Variants in ITIH3 observed in about 807,000 individuals in gnomAD.
The protein encoded by ITIH3 is inter-alpha-trypsin inhibitor heavy chain 3.
In ITIH3, 81 loss-of-function variants were observed where a neutral mutation model predicts 96.5. That is an observed-to-expected ratio of 0.84 (90% CI 0.70 to 1.01). The LOEUF is 1.01. ITIH3 is among the 50% of genes least tolerant of loss of function. The probability of loss-of-function intolerance (pLI) is 0.00; values close to 1 mark genes in which losing one functional copy is unlikely to be tolerated. For missense variants in ITIH3, 1,057 were observed against 1,139.3 expected, an observed-to-expected ratio of 0.93 and a Z score of 1.04; for synonymous variants, 422 against 445.2, an observed-to-expected ratio of 0.95 and a Z score of 0.66.
At chr3:52,807,711 T>C (rs763962452) in intron 19 of ITIH3, 36 bp from the exon 20 acceptor site, 3 of 1,584,772 alleles carry the variant, frequency 1.9e-6, no homozygotes, top group African/African-American at 1.3e-5. Context: ...TCACGGCCAC[T>C]GGGCCCCACA....
chr3:52,806,896 G>A lies in ITIH3; in HGVS notation c.2057-5G>A, dbSNP rs759423192. ...GTCTCTCTCCCTGCCCCATCCCTCT[G>A]GCAGGCCTCACAGTTAATGGGCAGA... On this transcript the variant is annotated splice_polypyrimidine_tract_variant and splice_region_variant and intron_variant, in intron 18 of 21. Transcript: ENST00000449956. 21 of 1,574,860 alleles carry A rather than the reference G, an allele frequency of 1.3e-5. No individual in the cohort carries two copies. The highest frequency in any genetic ancestry group is 1.7e-4 in the Middle Eastern group (1 of 6,022).
intron 9 of ITIH3, 121 bp downstream of exon 9, chr3:52,800,042 G>A (rs984494265): frequency 3.3e-6 from 3 of 922,874 alleles, no homozygotes; most frequent in South Asian, 1.7e-5. Flanking sequence ...CTGAGCTGGG[G>A]TAGAGGTGGG....
chr3:52,805,996 G>A (rs1448515767), intron 16 of ITIH3, 107 bp from the exon 17 acceptor site: 31 of 1,486,748 alleles, frequency 2.1e-5, no homozygotes, highest in African/African-American at 2.9e-5. Flanking sequence ...TGGCATTAGC[G>A]AGCGGGAAGG....
chr3:52,808,318 C>A, intron 21 of ITIH3, 97 bp downstream of exon 21: 2 of 1,153,248 alleles, frequency 1.7e-6, no homozygotes, highest in Non-Finnish European at 2.5e-6. Context: ...CTTTTGTCTT[C>A]TGTGGGGTAC....
intron 11 of ITIH3, 23 bp downstream of exon 11, chr3:52,801,169 C>A (rs1699818163): frequency 6.5e-7 from 1 of 1,531,610 alleles, no homozygotes; most frequent in African/African-American, 1.4e-5. Context: ...TTGCACACTT[C>A]CGGGCATAAG....
Position 52,797,941 on chromosome 3 carries a change from T to G in ITIH3, c.663+11T>G, listed in dbSNP as rs143340291. 1 of 1,515,124 alleles carries G rather than the reference T, an allele frequency of 6.6e-7. No individual in the cohort carries two copies. Among genetic ancestry groups the G allele is most frequent in the Non-Finnish European group, 9.0e-7 (1 of 1,106,006 alleles). 93.9% of individuals were successfully genotyped at this position (1,515,124 alleles called of 1,614,324 possible). A position where few individuals can be genotyped will look rare whatever the true frequency, so the allele number is the denominator to read the frequency against. On this transcript the variant is annotated intron_variant, in intron 6 of 21. Transcript: ENST00000449956. The stretch of plus-strand genomic sequence containing the variant: ...TTCTCAGGGAAAAAGGTGATGTAGA[T>G]GCCTCTCAGACCTGGTGGGGCAGGG...
rs1700123831 is a variant in ITIH3, at chr3:52,808,149, T to A, written c.2471T>A (p.Ile824Asn). ...FQPFDFKVSD[I>N]RPGSDPTKPD... The stretch of plus-strand genomic sequence containing the variant: ...CCCTTTGACTTTAAAGTGTCTGACA[T>A]CCGGCCAGGCTCTGACCCCACAAAG... The change falls in exon 21 of 22, where the codon ATC (isoleucine) becomes AAC (asparagine). Residue 824 changes from isoleucine (I) to asparagine (N), a missense_variant. By Grantham distance (149) the Ile-to-Asn change is moderately radical. Coordinates refer to ENST00000449956, the MANE Select transcript of ITIH3 (RefSeq NM_002217.4). The A allele has an allele frequency of 6.2e-7, 1 of 1,614,082 alleles. No homozygotes were observed. Among genetic ancestry groups the A allele is most frequent in the Admixed American group, 1.7e-5 (1 of 60,002 alleles).
intron 14 of ITIH3, chr3:52,804,292 A>C: frequency 2.0e-6 from 1 of 495,320 alleles, no homozygotes; most frequent in South Asian, 2.7e-5. Flanking sequence ...CTGAGGCTGC[A>C]GCATGGAAGG....
At position 52,802,334 on chromosome 3, in the gene ITIH3, G is replaced by A; in HGVS notation, c.1384G>A (p.Gly462Ser). 1 of 1,613,648 alleles carries A rather than the reference G, an allele frequency of 6.2e-7. No homozygotes were observed. Among genetic ancestry groups the A allele is most frequent in the Non-Finnish European group, 8.5e-7 (1 of 1,179,824 alleles). Reference sequence around the variant, plus strand: ...ATGACTGGCCCCGTGCGAACTTCAGGGCTTCTATGAGGAGGTGGCCAACCC... The same window carrying A: ...ATGACTGGCCCCGTGCGAACTTCAGAGCTTCTATGAGGAGGTGGCCAACCC... The part of the protein sequence containing the change: ...EDSDADLQLQ[G>S]FYEEVANPLL... Residue 462 changes from glycine to serine, a missense_variant and splice_region_variant, in exon 12 of 22, where the codon GGC becomes AGC. Coordinates refer to ENST00000449956, the MANE Select transcript of ITIH3 (RefSeq NM_002217.4).
At chr3:52,800,732 G>A in intron 10 of ITIH3, 69 bp downstream of exon 10, 1 of 1,563,354 alleles carries the variant, frequency 6.4e-7, no homozygotes, top group South Asian at 1.2e-5. Context: ...CTCTGTAGCT[G>A]GCTCATTGGA....
rs770471481 is a variant in ITIH3 at position 52,806,444 on chromosome 3, T to C, written c.2056+38T>C. On this transcript the variant is annotated intron_variant, in intron 18 of 21. Transcript: ENST00000449956. The stretch of plus-strand genomic sequence containing the variant: ...GGCTAGGGCCGGGGCCAGGGGGCTC[T>C]TCCTGGGAGGGCTTGGGTCCCCCGA... 5.9e-6 allele frequency: 9 copies of C among 1,525,482 alleles called. No individual in the cohort carries two copies. In the African/African-American group the frequency reaches 1.2e-4, roughly 21 times the overall value. 94.5% of individuals were successfully genotyped at this position (1,525,482 alleles called of 1,614,324 possible). A position where few individuals can be genotyped will look rare whatever the true frequency, so the allele number is the denominator to read the frequency against.
intron 13 of ITIH3, among the ~76,000 whole-genome samples, chr3:52,803,493 AT>A (rs1408557978): frequency 4.0e-5 from 6 of 151,528 alleles, no homozygotes; most frequent in African/African-American, 1.5e-4. Flanking sequence ...TAATTTTTGT[AT>A]TTTTAGTAGA....
In ITIH3 at chr3:52,798,594, T is replaced by A. The variant is rs71299619; in HGVS notation, c.664-372T>A. On this transcript the variant is annotated intron_variant, in intron 6 of 21. Transcript: ENST00000449956. ...ATTCCTTTTAATGGGAAGCTACCCCTTCCCTAAGTAGCTTCTCAGTGCTGA... is the reference window on the plus strand; with the variant it reads ...ATTCCTTTTAATGGGAAGCTACCCCATCCCTAAGTAGCTTCTCAGTGCTGA... The A allele has an allele frequency of 1.9e-3, 403 of 215,512 alleles. 1 individual carries two copies. The highest frequency in any genetic ancestry group is 1.0e-2 in the Middle Eastern group (6 of 602). The allele number at this position is 215,512 out of a possible 1,614,324, so 13.3% of individuals were successfully genotyped here. A position where few individuals can be genotyped will look rare whatever the true frequency, so the allele number is the denominator to read the frequency against.
intron 10 of ITIH3, 147 bp from the exon 11 acceptor site, chr3:52,800,818 C>A (rs550289890): frequency 1.4e-6 from 2 of 1,450,772 alleles, no homozygotes; most frequent in South Asian, 2.6e-5. Context: ...CTCCCTCTGC[C>A]AGGGCTCTCC....
chr3:52,802,550 G>T (rs1369302825), intron 12 of ITIH3, 31 bp downstream of exon 12: 1 of 1,612,538 alleles, frequency 6.2e-7, no homozygotes. Flanking sequence ...GAAGTGTGCT[G>T]GGGATGGGGT....
Position 52,796,847 on chromosome 3 carries a change from A to T in ITIH3, c.386+4A>T. ...GCAAGACGGCCGGCTTGGTCAAGTAAGTATGGACTCCCAGGCCTTGGGGAG... is the reference window on the plus strand; with the variant it reads ...GCAAGACGGCCGGCTTGGTCAAGTATGTATGGACTCCCAGGCCTTGGGGAG... On this transcript the variant is annotated splice_donor_region_variant and intron_variant, in intron 4 of 21. Transcript: ENST00000449956. 1 of 1,590,780 alleles carries T rather than the reference A, an allele frequency of 6.3e-7. No homozygotes were observed. Among genetic ancestry groups the T allele is most frequent in the South Asian group, 1.1e-5 (1 of 87,138 alleles).
chr3:52,806,555 A>T, intron 18 of ITIH3, 149 bp downstream of exon 18: 1 of 660,272 alleles, frequency 1.5e-6, no homozygotes, highest in Non-Finnish European at 2.6e-6. Context: ...GGGAGTGCCC[A>T]GGGCCACAGG....
intron 6 of ITIH3, chr3:52,798,584 A>T (rs1270597343): frequency 4.8e-6 from 1 of 207,430 alleles, no homozygotes; most frequent in East Asian, 1.2e-4. Context: ...TTTTAATGGG[A>T]AGCTACCCCT....
intron 7 of ITIH3, 34 bp from the exon 8 acceptor site, chr3:52,799,338 G>A (rs767327440): frequency 7.0e-5 from 104 of 1,487,298 alleles, no homozygotes; most frequent in Non-Finnish European, 8.9e-5. Context: ...TTGCTAAAAG[G>A]ACACCGGCCT....
Sources: gnomAD v4.1 joint callset for allele counts (sites outside exome capture counted in the v4.1 genomes callset) on GRCh38, gnomAD v4.1.1 for gene constraint, MANE v1.5 for transcripts, NCBI Gene and HGNC (gene_info 2026-07-23, HGNC 2026-07-21) for gene names.